The following PDS5A variants were observed in gnomAD, a reference collection of about 807,000 sequenced individuals.
PDS5A encodes the protein PDS5 cohesin associated factor A, also known as sister chromatid cohesion protein PDS5 homolog A.
PDS5A carries 42 observed loss-of-function variants against 167.1 expected under a neutral mutation model. The ratio of observed to expected loss-of-function variants is 0.25; its 90% CI spans 0.20 to 0.33. PDS5A has a LOEUF of 0.33. Ranked by LOEUF, PDS5A falls within the 10% of genes least tolerant of loss-of-function variation. The probability of loss-of-function intolerance (pLI) is 1.00; values close to 1 mark genes in which losing one functional copy is unlikely to be tolerated. For missense variants in PDS5A, 1,033 were observed against 1,605.9 expected (o/e 0.64, Z 6.10); for synonymous variants, 553 against 554.6 (o/e 1.00, Z 0.04).
chr4:39,947,280 C>G lies in PDS5A; in HGVS notation c.139-19116G>C, dbSNP rs376094419. Among the ~76,000 whole-genome samples the G allele has an allele frequency of 8.5e-5, 13 of 152,072 alleles. No individual in the cohort carries two copies. In the East Asian group the frequency reaches 1.9e-3, roughly 23 times the overall value. On this transcript the variant is annotated intron_variant, in intron 2 of 32. Coordinates refer to ENST00000303538, the MANE Select transcript of PDS5A (RefSeq NM_001100399.2). ...ACCAGCCTAGCTAACATTGTGAAAC[C>G]CCATCTCTACTAAAAATACAAAAAA...
At chr4:39,826,473 T>TTTTTTTTATTTATTTATTTATTTA (rs112223808) in intron 32 of PDS5A, among the ~76,000 whole-genome samples, 1 of 143,714 alleles carries the variant, frequency 7.0e-6, no homozygotes, top group South Asian at 2.3e-4. Context: ...CATTCCACAT[T>TTTTTTTTATTTATTTATTTATTTA]TTTATTTATT....
intron 2 of PDS5A, chr4:39,973,293 G>A: frequency 1.2e-6 from 2 of 1,604,634 alleles, no homozygotes; most frequent in Non-Finnish European, 1.7e-6. Context: ...ATGCCAACAT[G>A]GAAGCAGTCA....
At chr4:39,845,979 C>A in intron 28 of PDS5A, 99 bp from the exon 29 acceptor site, 1 of 983,072 alleles carries the variant, frequency 1.0e-6, no homozygotes, top group Non-Finnish European at 1.3e-6. Context: ...TTGTGCCTTG[C>A]AATAATAAAT....
intron 24 of PDS5A, 93 bp downstream of exon 24, chr4:39,863,243 T>C: frequency 1.9e-6 from 2 of 1,033,934 alleles, no homozygotes; most frequent in Non-Finnish European, 2.8e-6. Context: ...CTTTTGTGCA[T>C]ATATTCACAT....
chr4:39,889,539 A>C (rs960247336), intron 17 of PDS5A, among the ~76,000 whole-genome samples: 1 of 152,262 alleles, frequency 6.6e-6, no homozygotes, highest in Non-Finnish European at 1.5e-5. Flanking sequence ...ATAGTAACTG[A>C]ATATGGAAAG....
At chr4:39,936,857 G>C (rs2732085) in intron 2 of PDS5A, 11,834 of 152,220 alleles carry the variant, frequency 0.078, 515 homozygotes, top group Middle Eastern at 0.18. Flanking sequence ...CTGTGAGCTA[G>C]AAGGAAAAAG....
chr4:39,958,469 T>A (rs151177989), intron 2 of PDS5A, among the ~76,000 whole-genome samples: 134 of 137,438 alleles, frequency 9.7e-4, no homozygotes, highest in South Asian at 3.1e-3. Flanking sequence ...ATCTTGCCAC[T>A]GCACACCAGC....
chr4:39,975,319 G>A, intron 2 of PDS5A, among the ~76,000 whole-genome samples: 1 of 152,084 alleles, frequency 6.6e-6, no homozygotes, highest in Non-Finnish European at 1.5e-5. Flanking sequence ...CAAATTAAGA[G>A]TCTGAAAACT....
At chr4:39,891,583 G>C (rs548643062) in intron 16 of PDS5A, among the ~76,000 whole-genome samples, 1 of 152,004 alleles carries the variant, frequency 6.6e-6, no homozygotes, top group East Asian at 2.0e-4. Context: ...GGGAGGCGGA[G>C]GCTGCGGTGA....
intron 21 of PDS5A, 129 bp from the exon 22 acceptor site, chr4:39,869,591 G>A (rs1478899185): frequency 4.5e-6 from 3 of 666,576 alleles, no homozygotes; most frequent in Non-Finnish European, 8.0e-6. Context: ...CCAGAGCTTG[G>A]AAAAGGACAA....
chr4:39,868,601 T>C, intron 22 of PDS5A: 1 of 451,124 alleles, frequency 2.2e-6, no homozygotes, highest in Non-Finnish European at 4.4e-6. Context: ...AGTGCTGGGA[T>C]TATAGGCGTG....
At position 39,928,186 on chromosome 4, in the gene PDS5A, C is replaced by T. The variant is rs373244056; in HGVS notation, c.139-22G>A. Reference sequence around the variant, plus strand: ...CCATCTGTAAAAATGTACAAAAACACAAAATAATTAACTCCTGGAATTTAG... The same window carrying T: ...CCATCTGTAAAAATGTACAAAAACATAAAATAATTAACTCCTGGAATTTAG... On this transcript the variant is annotated intron_variant, in intron 2 of 32. Coordinates refer to ENST00000303538, the MANE Select transcript of PDS5A (RefSeq NM_001100399.2). 1.5e-5 allele frequency: 22 copies of T among 1,448,252 alleles called. No homozygotes were observed. The African/African-American group carries it at 3.0e-4, about 20-fold the overall frequency. The allele number at this position is 1,448,252 out of a possible 1,614,324, so 89.7% of individuals were successfully genotyped here. A position where few individuals can be genotyped will look rare whatever the true frequency, so the allele number is the denominator to read the frequency against.
intron 7 of PDS5A, among the ~76,000 whole-genome samples, chr4:39,919,205 C>G (rs1724685374): frequency 6.6e-6 from 1 of 150,768 alleles, no homozygotes; most frequent in Non-Finnish European, 1.5e-5. Context: ...ATGTTAGATT[C>G]ACAAAGATGA....
rs974818926 is a variant in PDS5A at position 39,824,783 on chromosome 4, C to A, written c.*702G>T. ...ATATTAAACTAAAATGAGGGGAAAT[C>A]AAAATATGAACTGTTTACTACTTGC... On this transcript the variant is annotated 3_prime_UTR_variant, in exon 33 of 33. Coordinates refer to ENST00000303538, the MANE Select transcript of PDS5A (RefSeq NM_001100399.2). 2.0e-5 allele frequency: 3 copies of A among 152,444 alleles called. No homozygotes were observed. Among genetic ancestry groups the A allele is most frequent in the Admixed American group, 2.0e-4 (3 of 15,254 alleles). 9.4% of individuals were successfully genotyped at this position (152,444 alleles called of 1,614,324 possible). A position where few individuals can be genotyped will look rare whatever the true frequency, so the allele number is the denominator to read the frequency against.
chr4:39,942,564 C>T (rs1727323598), intron 2 of PDS5A, among the ~76,000 whole-genome samples: 1 of 152,118 alleles, frequency 6.6e-6, no homozygotes, highest in African/African-American at 2.4e-5. Flanking sequence ...GAAGCTTGGA[C>T]TAAAGTCATG....
At chr4:39,960,609 C>T (rs891082890) in intron 2 of PDS5A, among the ~76,000 whole-genome samples, 1 of 151,910 alleles carries the variant, frequency 6.6e-6, no homozygotes, top group Non-Finnish European at 1.5e-5. Flanking sequence ...TGCAATGGTG[C>T]AATCCTAGCT....
chr4:39,879,674 A>G, intron 18 of PDS5A, 54 bp downstream of exon 18: 1 of 1,024,256 alleles, frequency 9.8e-7, no homozygotes. Flanking sequence ...CCTGAAGGGA[A>G]GGCAAATTAT....
chr4:39,879,579 C>A, intron 18 of PDS5A, 149 bp downstream of exon 18: 1 of 503,066 alleles, frequency 2.0e-6, no homozygotes, highest in Non-Finnish European at 3.6e-6. Flanking sequence ...GTTGTAAAAA[C>A]ATTACTTTTA....
intron 32 of PDS5A, among the ~76,000 whole-genome samples, chr4:39,830,730 G>A (rs1715784117): frequency 6.6e-6 from 1 of 151,862 alleles, no homozygotes; most frequent in African/African-American, 2.4e-5. Context: ...CAGCCCATTT[G>A]AACTAATTTT....
Sources: gnomAD v4.1 joint callset for allele counts (sites outside exome capture counted in the v4.1 genomes callset) on GRCh38, gnomAD v4.1.1 for gene constraint, MANE v1.5 for transcripts, NCBI Gene and HGNC (gene_info 2026-07-23, HGNC 2026-07-21) for gene names.